Variants in FAM78B observed in about 807,000 individuals in gnomAD.
The protein encoded by FAM78B is family with sequence similarity 78 member B.
A neutral mutation model predicts 20.0 loss-of-function variants in FAM78B; 10 were observed. That is an observed-to-expected ratio of 0.50 (90% CI 0.31 to 0.85). FAM78B has a LOEUF of 0.85. FAM78B is among the 40% of genes least tolerant of loss of function. The pLI, the probability that FAM78B is intolerant of heterozygous loss-of-function variation, is 0.05. For synonymous variants in FAM78B, 135 were observed against 132.8 expected (o/e 1.02, Z -0.12); for missense variants, 283 against 345.0 (o/e 0.82, Z 1.42).
intron 1 of FAM78B, among the ~76,000 whole-genome samples, chr1:166,143,709 T>C (rs765987516): frequency 1.6e-4 from 24 of 151,002 alleles, no homozygotes; most frequent in Non-Finnish European, 5.9e-5. Context: ...GCAGTGAGGG[T>C]TGCTCTAAGG....
chr1:166,080,569 T>C (rs1652524309), intron 1 of FAM78B, among the ~76,000 whole-genome samples: 1 of 152,224 alleles, frequency 6.6e-6, no homozygotes, highest in South Asian at 2.1e-4. Context: ...TGCGTTAACT[T>C]TACTGCACTT....
intron 1 of FAM78B, among the ~76,000 whole-genome samples, chr1:166,121,627 T>C (rs371628156): frequency 7.9e-4 from 120 of 152,304 alleles, no homozygotes; most frequent in African/African-American, 2.6e-3. Flanking sequence ...GATAGCCCCA[T>C]GTACCAATAA....
intron 1 of FAM78B, among the ~76,000 whole-genome samples, chr1:166,091,894 A>T (rs972473535): frequency 6.6e-6 from 1 of 152,218 alleles, no homozygotes; most frequent in East Asian, 1.9e-4. Context: ...CCAACAGTTC[A>T]TAAGTGATGG....
chr1:166,158,223 G>A (rs1490684659), intron 1 of FAM78B, among the ~76,000 whole-genome samples: 1 of 152,146 alleles, frequency 6.6e-6, no homozygotes, highest in African/African-American at 2.4e-5. Context: ...TACTCGGGAG[G>A]CTGAGGTGGG....
At chr1:166,115,223 T>C (rs1654211064) in intron 1 of FAM78B, among the ~76,000 whole-genome samples, 1 of 152,194 alleles carries the variant, frequency 6.6e-6, no homozygotes, top group Non-Finnish European at 1.5e-5. Flanking sequence ...AAAGAGACGA[T>C]ACACAAACAA....
chr1:166,064,218 A>T (rs1164942557), intron 2 of FAM78B, among the ~76,000 whole-genome samples: 3 of 152,048 alleles, frequency 2.0e-5, no homozygotes, highest in Non-Finnish European at 4.4e-5. Context: ...TACAAAAGTT[A>T]TTTCTTCATT....
At chr1:166,095,538 G>A (rs928739966) in intron 1 of FAM78B, among the ~76,000 whole-genome samples, 1 of 152,164 alleles carries the variant, frequency 6.6e-6, no homozygotes, top group African/African-American at 2.4e-5. Flanking sequence ...GCATGGGCAG[G>A]GGAAGGGAGA....
intron 1 of FAM78B, among the ~76,000 whole-genome samples, chr1:166,109,521 G>A (rs905972964): frequency 6.6e-6 from 1 of 151,916 alleles, no homozygotes; most frequent in Admixed American, 6.6e-5. Context: ...AGATGGTGGT[G>A]TGGATGCGGT....
Position 166,134,839 on chromosome 1 carries a change from T to C in FAM78B, c.263+31147A>G, listed in dbSNP as rs140828841. Among the ~76,000 whole-genome samples the C allele has an allele frequency of 1.3e-3, 196 of 152,360 alleles. 1 individual carries two copies. The highest frequency in any genetic ancestry group is 4.4e-3 in the African/African-American group (181 of 41,574). On this transcript the variant is annotated intron_variant, in intron 1 of 1. Transcript: ENST00000354422. The stretch of plus-strand genomic sequence containing the variant: ...TCTCTAAAGGTTCGTGTCTAGAATC[T>C]ATTGATAATTTCAACACATACTGTT...
intron 1 of FAM78B, among the ~76,000 whole-genome samples, chr1:166,072,617 T>C (rs550132434): frequency 3.2e-4 from 48 of 152,336 alleles, no homozygotes; most frequent in Non-Finnish European, 5.7e-4. Context: ...GTCGGTTTCA[T>C]GCCCCCAAGC....
chr1:166,117,026 G>A (rs1345442598), intron 1 of FAM78B, among the ~76,000 whole-genome samples: 2 of 152,198 alleles, frequency 1.3e-5, no homozygotes, highest in Non-Finnish European at 2.9e-5. Context: ...ACCTATAAAT[G>A]CTAAATAAAA....
At chr1:166,070,841 TACTAA>T in intron 1 of FAM78B, 78 bp from the exon 2 acceptor site, 1 of 1,448,050 alleles carries the variant, frequency 6.9e-7, no homozygotes. Flanking sequence ...GCTCACTGCT[TACTAA>T]CATAGTCAAC....
At chr1:166,073,816 C>A (rs1652152256) in intron 1 of FAM78B, among the ~76,000 whole-genome samples, 1 of 152,184 alleles carries the variant, frequency 6.6e-6, no homozygotes, top group Non-Finnish European at 1.5e-5. Flanking sequence ...CCACTGCTCA[C>A]CCAATCTTCA....
At chr1:166,096,629 G>C (rs554137822) in intron 1 of FAM78B, among the ~76,000 whole-genome samples, 1 of 152,136 alleles carries the variant, frequency 6.6e-6, no homozygotes, top group Non-Finnish European at 1.5e-5. Context: ...AAAGTAGAAC[G>C]AGAGTATCTC....
At chr1:166,136,311 A>T (rs1346940566) in intron 1 of FAM78B, among the ~76,000 whole-genome samples, 1 of 152,168 alleles carries the variant, frequency 6.6e-6, no homozygotes, top group Admixed American at 6.5e-5. Flanking sequence ...CAAGTGCTTT[A>T]AAGATGACAC....
chr1:166,162,045 C>A (rs1033985746), intron 1 of FAM78B, among the ~76,000 whole-genome samples: 4 of 152,066 alleles, frequency 2.6e-5, no homozygotes, highest in African/African-American at 9.7e-5. Context: ...ACAGGAACAG[C>A]GGAAAAATAG....
chr1:166,128,755 G>C (rs376896315), intron 1 of FAM78B, among the ~76,000 whole-genome samples: 1 of 152,182 alleles, frequency 6.6e-6, no homozygotes. Context: ...AGTATGACTT[G>C]GTTCCCTATG....
At chr1:166,080,343 A>C (rs1168977745) in intron 1 of FAM78B, among the ~76,000 whole-genome samples, 1 of 99,568 alleles carries the variant, frequency 1.0e-5, no homozygotes, top group Non-Finnish European at 2.6e-5. Flanking sequence ...TCAGCTACCC[A>C]CCACCATGTC....
chr1:166,156,287 G>A (rs986699190), intron 1 of FAM78B, among the ~76,000 whole-genome samples: 3 of 152,234 alleles, frequency 2.0e-5, no homozygotes, highest in Non-Finnish European at 4.4e-5. Context: ...AAGACATTTA[G>A]GTGGTCCTGT....
Sources: allele counts gnomAD v4.1 joint callset (sites outside exome capture counted in the v4.1 genomes callset), GRCh38; gene constraint gnomAD v4.1.1; transcripts MANE v1.5; gene names NCBI Gene and HGNC (gene_info 2026-07-23, HGNC 2026-07-21).